SPTBN2: variants seen among roughly 807,000 people sequenced by gnomAD.
SPTBN2 encodes the protein spectrin beta, non-erythrocytic 2.
SPTBN2 carries 107 observed loss-of-function variants against 284.2 expected under a neutral mutation model. The observed-to-expected ratio is 0.38, with a 90% CI of 0.32 to 0.44. The LOEUF is 0.44. Among genes scored for constraint, SPTBN2 ranks in the 20% least tolerant of loss-of-function variants. The pLI is 1.00. For missense variants in SPTBN2, 2,569 were observed against 3,287.1 expected (o/e 0.78, Z 5.34); for synonymous variants, 1,289 against 1,354.8 (o/e 0.95, Z 1.07).
In SPTBN2 at chr11:66,708,225, C is replaced by G. The variant is rs770892589; in HGVS notation, c.1266G>C (p.Lys422Asn). The stretch of plus-strand genomic sequence containing the variant: ...CGAAGCGGGCGGCCAGCTGCTCCAG[C>G]TTCTCCTGGCGGATGAGCTCGGTGC... ...ALRTELIRQE[K>N]LEQLAARFDR... The change falls in exon 12 of 38, where the codon AAG becomes AAC. Residue 422 changes from lysine to asparagine, a missense_variant. Lys to Asn is a moderately conservative substitution (Grantham distance 94). Transcript: ENST00000533211. This position sits in a 1 kb window ranked among gnomAD's most constrained non-coding sequence, Gnocchi z 4.4. 56 of 1,611,424 alleles carry G rather than the reference C, an allele frequency of 3.5e-5. No homozygotes were observed. Among genetic ancestry groups the G allele is most frequent in the Non-Finnish European group, 4.6e-5 (54 of 1,178,838 alleles).
At chr11:66,723,106 C>T (rs1190158696) in intron 1 of SPTBN2, among the ~76,000 whole-genome samples, 5 of 151,756 alleles carry the variant, frequency 3.3e-5, no homozygotes, top group African/African-American at 4.8e-5. Flanking sequence ...AGGGCCCAGG[C>T]TGGGGAAATG....
rs1028303306 is a variant in SPTBN2, at chr11:66,691,144, T to G, written c.5565+140A>C. On this transcript the variant is annotated intron_variant, in intron 27 of 37. Transcript: ENST00000533211. This position sits in a 1 kb window ranked among gnomAD's most constrained non-coding sequence, Gnocchi z 8.0. ...ACAGAGATGTTTTCTTGGAGCAATTTCCTCATCTCGAAATGGCCCTCGAAA... is the reference window on the plus strand; with the variant it reads ...ACAGAGATGTTTTCTTGGAGCAATTGCCTCATCTCGAAATGGCCCTCGAAA... The G allele has an allele frequency of 9.4e-6, 12 of 1,274,224 alleles. No homozygotes were observed. The African/African-American group carries it at 1.8e-4, about 19-fold the overall frequency. 78.9% of individuals were successfully genotyped at this position (1,274,224 alleles called of 1,614,324 possible).
At position 66,693,845 on chromosome 11, in the gene SPTBN2, C is replaced by T. The variant is rs764921528; in HGVS notation, c.4520G>A (p.Arg1507Gln). The T allele has an allele frequency of 6.2e-7, 1 of 1,613,936 alleles. No homozygotes were observed. Among genetic ancestry groups the T allele is most frequent in the Non-Finnish European group, 8.5e-7 (1 of 1,179,934 alleles). ...CTCCATGGAGCTGGCCATGGGCAGC[C>T]GCTCTGTCACCCACAACTGGAAGAG... ...VEDEILWVTE[R>Q]LPMASSMEHG... Residue 1507 changes from arginine to glutamine, a missense_variant, in exon 23 of 38, where the codon CGG becomes CAG. Physicochemically the swap from Arg to Gln is conservative, Grantham distance 43 (BLOSUM62 1). Coordinates refer to ENST00000533211, the MANE Select transcript of SPTBN2 (RefSeq NM_006946.4). The surrounding 1 kb of genome is among the most constrained non-coding windows in gnomAD (Gnocchi z 5.7).
At chr11:66,732,219 C>T (rs1228274812), upstream of SPTBN2, among the ~76,000 whole-genome samples, 7 of 152,200 alleles carry the variant, frequency 4.6e-5, no homozygotes, top group Non-Finnish European at 1.0e-4. Context: ...GATTAAGTAC[C>T]TTACTCAGGG....
In SPTBN2 at chr11:66,686,985, T is replaced by C. The variant is rs1286256898; in HGVS notation, c.6896+9A>G. The C allele has an allele frequency of 1.9e-6, 3 of 1,613,806 alleles. No homozygotes were observed. ...CTCCCATCCCGAGAGCACTGTTCCC[T>C]GTTCCTACCCCAGCTTGAAGACATG... On this transcript the variant is annotated intron_variant, in intron 36 of 37. Transcript: ENST00000533211.
At chr11:66,696,056 C>T (rs1278825812) in intron 21 of SPTBN2, among the ~76,000 whole-genome samples, 1 of 152,162 alleles carries the variant, frequency 6.6e-6, no homozygotes, top group Non-Finnish European at 1.5e-5. Flanking sequence ...TTTCTTTTTA[C>T]TGAAGTTCTC....
chr11:66,691,036 C>T lies in SPTBN2; in HGVS notation c.5565+248G>A, dbSNP rs557577577. On this transcript the variant is annotated intron_variant, in intron 27 of 37. Transcript: ENST00000533211. The surrounding 1 kb of genome is among the most constrained non-coding windows in gnomAD (Gnocchi z 8.0). Reference sequence around the variant, plus strand: ...TTCTCCATGTTGGTCAGGCTGGTCTCGAACTCCCAATCTCAGATGATCCGC... The same window carrying T: ...TTCTCCATGTTGGTCAGGCTGGTCTTGAACTCCCAATCTCAGATGATCCGC... 2.6e-5 allele frequency among the ~76,000 whole-genome samples: 4 copies of T among 152,254 alleles called. No homozygotes were observed. Among genetic ancestry groups the T allele is most frequent in the Admixed American group, 1.3e-4 (2 of 15,296 alleles).
chr11:66,688,937 C>A, intron 30 of SPTBN2, 88 bp from the exon 31 acceptor site: 3 of 1,543,670 alleles, frequency 1.9e-6, no homozygotes, highest in Non-Finnish European at 2.7e-6. Context: ...AGAACAGGGA[C>A]ACAGAGAAAG....
chr11:66,710,593 C>T lies in SPTBN2; in HGVS notation c.1062G>A (p.Glu354=), dbSNP rs1486894972. The T allele has an allele frequency of 6.2e-7, 1 of 1,613,834 alleles. No homozygotes were observed. The highest frequency in any genetic ancestry group is 2.2e-5 in the East Asian group (1 of 44,866). The change falls in exon 10 of 38, where the codon GAG becomes GAA. Residue 354 remains glutamate (E), a synonymous_variant. Coordinates refer to ENST00000533211, the MANE Select transcript of SPTBN2 (RefSeq NM_006946.4). The surrounding 1 kb of genome is among the most constrained non-coding windows in gnomAD (Gnocchi z 4.9). The part of the protein sequence containing the change: ...LQSFNSYRTV[E]KPPKFTEKGN... ...CCAGGGACACCTACTTGGGCGGCTT[C>T]TCCACGGTGCGGTAGGAGTTGAAGG...
At chr11:66,689,746 A>G in intron 29 of SPTBN2, 59 bp downstream of exon 29, 1 of 1,607,224 alleles carries the variant, frequency 6.2e-7, no homozygotes, top group Non-Finnish European at 8.5e-7. Context: ...AAAGCCACCA[A>G]GAAGTCAGCG....
At chr11:66,742,797 G>A (rs914883588) in intron 1 of SPTBN2, among the ~76,000 whole-genome samples, 9 of 151,928 alleles carry the variant, frequency 5.9e-5, no homozygotes, top group Non-Finnish European at 2.9e-5. Flanking sequence ...TTTAGTAGAG[G>A]TGGGGTTTCA....
intron 13 of SPTBN2, 93 bp from the exon 14 acceptor site, chr11:66,705,930 G>T: frequency 6.6e-7 from 1 of 1,524,566 alleles, no homozygotes; most frequent in Non-Finnish European, 8.8e-7. Flanking sequence ...GGCCCCAGGT[G>T]TTGCACCCAG....
At position 66,699,443 on chromosome 11, in the gene SPTBN2, C is replaced by T. The variant is rs755140928; in HGVS notation, c.3739G>A (p.Asp1247Asn). 1.4e-5 allele frequency: 23 copies of T among 1,614,010 alleles called. No individual in the cohort carries two copies. The highest frequency in any genetic ancestry group is 2.7e-5 in the African/African-American group (2 of 74,902). The change falls in exon 18 of 38, where the codon GAC becomes AAC. Residue 1247 changes from aspartate to asparagine, a missense_variant. Asp to Asn is a conservative substitution (Grantham distance 23). Transcript: ENST00000533211. Reference sequence around the variant, plus strand: ...GAGTCTGCCTTTTCCCGAATCTTGTCGGCGTGGATGTTGCCTTCAGATACC... The same window carrying T: ...GAGTCTGCCTTTTCCCGAATCTTGTTGGCGTGGATGTTGCCTTCAGATACC... ...QLVSEGNIHA[D>N]KIREKADSIE...
chr11:66,688,631 T>G, intron 31 of SPTBN2, 22 bp downstream of exon 31: 1 of 1,613,452 alleles, frequency 6.2e-7, no homozygotes, highest in Middle Eastern at 1.6e-4. Context: ...GGAGTGGGCA[T>G]CCGGGGTCCT....
chr11:66,711,209 C>G (rs1041201699), intron 8 of SPTBN2, among the ~76,000 whole-genome samples, 180 bp from the exon 9 acceptor site: 2 of 152,034 alleles, frequency 1.3e-5, no homozygotes, highest in Non-Finnish European at 1.5e-5. Context: ...ATCTTTTTTT[C>G]CCCTTCTCCT....
At chr11:66,686,537 A>G (rs907185239) in intron 36 of SPTBN2, 97 bp from the exon 37 acceptor site, 5 of 1,366,130 alleles carry the variant, frequency 3.7e-6, no homozygotes, top group African/African-American at 1.4e-5. Flanking sequence ...CCAGGCTGGG[A>G]CATCTGGCTG....
chr11:66,691,695 T>C lies in SPTBN2; in HGVS notation c.5191-37A>G, dbSNP rs1344775004. 6.2e-7 allele frequency: 1 copy of C among 1,612,102 alleles called. No individual in the cohort carries two copies. Among genetic ancestry groups the C allele is most frequent in the Non-Finnish European group, 8.5e-7 (1 of 1,179,982 alleles). On this transcript the variant is annotated intron_variant, in intron 26 of 37. Coordinates refer to ENST00000533211, the MANE Select transcript of SPTBN2 (RefSeq NM_006946.4). This position sits in a 1 kb window ranked among gnomAD's most constrained non-coding sequence, Gnocchi z 8.0. ...AGCAGATGGACAGACCATGCCGTGA[T>C]GTTAGGGGATGTGGTCCCTGCCTGA...
Position 66,701,011 on chromosome 11 carries a change from G to C in SPTBN2, c.3088C>G (p.Pro1030Ala), listed in dbSNP as rs1941212771. Residue 1030 changes from proline to alanine, a missense_variant, in exon 17 of 38, where the codon CCC becomes GCC. Pro to Ala is a conservative substitution (Grantham distance 27). Transcript: ENST00000533211. ...REANALAAGH[P>A]AQAVAINARL... ...GCGTTGATGGCCACTGCCTGAGCGG[G>C]ATGGCCGGCAGCCAGGGCATTTGCC... 1 of 1,607,946 alleles carries C rather than the reference G, an allele frequency of 6.2e-7. No homozygotes were observed. The highest frequency in any genetic ancestry group is 1.3e-5 in the African/African-American group (1 of 74,924).
At position 66,683,437 on chromosome 11, in the gene SPTBN2, C is replaced by CT. The variant is rs1464816173; in HGVS notation, c.*2433dup. ...GCCTGCATTTATTGTATTTTTGTGT[C>CT]TAACTTGTCTCATAGCCCTCACCGC... is the stretch of plus-strand genomic sequence containing the variant. On this transcript the variant is annotated 3_prime_UTR_variant, in exon 38 of 38. Coordinates refer to ENST00000533211, the MANE Select transcript of SPTBN2 (RefSeq NM_006946.4). Among the ~76,000 whole-genome samples, 8 of 152,188 alleles carry CT rather than the reference C, an allele frequency of 5.3e-5. No individual in the cohort carries two copies. The highest frequency in any genetic ancestry group is 1.9e-4 in the African/African-American group (8 of 41,428).
Sources: allele counts gnomAD v4.1 joint callset (sites outside exome capture counted in the v4.1 genomes callset), GRCh38; gene constraint gnomAD v4.1.1; non-coding constraint Gnocchi (gnomAD v3.1); transcripts MANE v1.5; gene names NCBI Gene and HGNC (gene_info 2026-07-23, HGNC 2026-07-21).